ITSN1: variants seen among roughly 807,000 people sequenced by gnomAD.
The protein encoded by ITSN1 is intersectin 1.
Under a neutral mutation model 239.8 loss-of-function variants are expected in ITSN1, and 58 were observed. The observed-to-expected ratio is 0.24, with a 90% confidence interval of 0.20 to 0.30. The LOEUF (loss-of-function observed/expected upper bound fraction) is 0.30, where lower values mean the gene tolerates loss of function less well. Among genes scored for constraint, ITSN1 ranks in the 10% least tolerant of loss-of-function variants. The pLI, the probability that ITSN1 is intolerant of heterozygous loss-of-function variation, is 1.00. For missense variants in ITSN1, 1,558 were observed against 2,103.3 expected (o/e 0.74, Z 5.07); for synonymous variants, 780 against 770.8 (o/e 1.01, Z -0.20).
At chr21:33,771,497 C>T (rs1044909800) in intron 11 of ITSN1, among the ~76,000 whole-genome samples, 2 of 152,106 alleles carry the variant, frequency 1.3e-5, no homozygotes, top group Non-Finnish European at 2.9e-5. Flanking sequence ...AAGGATAGAA[C>T]TGAGTAATCA....
chr21:33,855,691 A>C (rs1979192079), intron 29 of ITSN1, among the ~76,000 whole-genome samples: 3 of 152,244 alleles, frequency 2.0e-5, no homozygotes, highest in African/African-American at 7.2e-5. Context: ...CCCCACTTCC[A>C]GTGCAGGCAC....
intron 16 of ITSN1, among the ~76,000 whole-genome samples, chr21:33,786,325 C>T (rs1235660558): frequency 6.6e-6 from 1 of 152,128 alleles, no homozygotes; most frequent in African/African-American, 2.4e-5. Context: ...TTCTCAGATC[C>T]ACGTTCTAGA....
chr21:33,826,642 T>A (rs1440590228), intron 25 of ITSN1, among the ~76,000 whole-genome samples, 176 bp from the exon 26 acceptor site: 1 of 152,182 alleles, frequency 6.6e-6, no homozygotes, highest in East Asian at 1.9e-4. Context: ...GTTTTAATTA[T>A]TTTTTTCCAT....
intron 15 of ITSN1, 98 bp downstream of exon 15, chr21:33,781,646 T>C: frequency 1.4e-6 from 1 of 707,666 alleles, no homozygotes; most frequent in Non-Finnish European, 2.3e-6. Context: ...AGTGGCGCAA[T>C]CTCGGCCAAC....
intron 1 of ITSN1, among the ~76,000 whole-genome samples, chr21:33,691,039 C>A (rs1240546334): frequency 6.6e-6 from 1 of 151,272 alleles, no homozygotes; most frequent in Non-Finnish European, 1.5e-5. Context: ...AGGCTGGTGG[C>A]CTTTCTTCCA....
intron 1 of ITSN1, among the ~76,000 whole-genome samples, chr21:33,680,690 AATGTCTG>A (rs200746495): frequency 6.9e-5 from 2 of 29,098 alleles, no homozygotes; most frequent in African/African-American, 5.3e-4. Context: ...AAGTCCACCA[AATGTCTG>A]AAGTCCTGCC....
At chr21:33,842,128 C>T (rs1473016878) in intron 29 of ITSN1, among the ~76,000 whole-genome samples, 2 of 152,018 alleles carry the variant, frequency 1.3e-5, no homozygotes, top group Non-Finnish European at 2.9e-5. Flanking sequence ...ATCTCCTGAC[C>T]TTGTGATCCG....
chr21:33,812,802 T>C (rs1223822507), intron 21 of ITSN1, among the ~76,000 whole-genome samples: 2 of 152,146 alleles, frequency 1.3e-5, no homozygotes. Flanking sequence ...CCCAGCCTGT[T>C]TATCTAAAAT....
chr21:33,868,066 C>T (rs773498867), intron 33 of ITSN1, among the ~76,000 whole-genome samples: 14 of 152,296 alleles, frequency 9.2e-5, no homozygotes, highest in African/African-American at 3.1e-4. Context: ...GGAAAGGGAC[C>T]GAGCCGGTTG....
At chr21:33,750,357 T>C (rs1291621406) in intron 6 of ITSN1, 35 bp downstream of exon 6, 5 of 1,578,586 alleles carry the variant, frequency 3.2e-6, no homozygotes, top group Non-Finnish European at 4.3e-6. Flanking sequence ...GCTGAGTTTT[T>C]ACTACTTGTA....
intron 1 of ITSN1, among the ~76,000 whole-genome samples, chr21:33,700,315 C>T (rs1231464481): frequency 3.3e-5 from 5 of 152,140 alleles, no homozygotes; most frequent in Non-Finnish European, 7.3e-5. Context: ...GAACTCCTAA[C>T]CTCAGGTGAT....
rs1038175691 is a variant in ITSN1 at position 33,894,813 on chromosome 21, G to A, written c.*6513G>A. The A allele has an allele frequency of 1.3e-5, 2 of 152,252 alleles. No homozygotes were observed. Among genetic ancestry groups the A allele is most frequent in the Non-Finnish European group, 2.9e-5 (2 of 68,060 alleles). 9.4% of individuals were successfully genotyped at this position (152,252 alleles called of 1,614,324 possible). ...CAGGCAGACAGGAACCAAAGAAAGG[G>A]TGTAGTGGCTTTGCAGCGTTGGGTG... On this transcript the variant is annotated 3_prime_UTR_variant, in exon 40 of 40. Transcript: ENST00000381318.
At chr21:33,692,288 ACGAGGTC>A (rs374077569) in intron 1 of ITSN1, among the ~76,000 whole-genome samples, 19 of 152,336 alleles carry the variant, frequency 1.2e-4, no homozygotes, top group Non-Finnish European at 2.4e-4. Context: ...TAAGCAACTC[ACGAGGTC>A]CGTACCAGTA....
chr21:33,761,322 C>T (rs898004105), intron 8 of ITSN1, among the ~76,000 whole-genome samples: 1 of 152,146 alleles, frequency 6.6e-6, no homozygotes, highest in African/African-American at 2.4e-5. Context: ...CTGCCTCAGC[C>T]TCCCAGAATG....
chr21:33,735,265 C>T, intron 5 of ITSN1, 61 bp downstream of exon 5: 4 of 1,504,614 alleles, frequency 2.7e-6, no homozygotes, highest in Non-Finnish European at 3.7e-6. Context: ...TAAATGTTTT[C>T]CTTTTTTTCC....
intron 1 of ITSN1, among the ~76,000 whole-genome samples, chr21:33,676,118 T>A (rs1227754680): frequency 6.6e-6 from 1 of 151,200 alleles, no homozygotes; most frequent in Non-Finnish European, 1.5e-5. Flanking sequence ...CACTGCAACC[T>A]CTGCCTCCTG....
chr21:33,854,218 G>C (rs1978881922), intron 29 of ITSN1, among the ~76,000 whole-genome samples: 1 of 152,190 alleles, frequency 6.6e-6, no homozygotes, highest in East Asian at 1.9e-4. Flanking sequence ...TCCTTAAAGG[G>C]ACATTCAGAA....
In ITSN1 at chr21:33,735,192, G is replaced by A. The variant is rs201039916; in HGVS notation, c.334G>A (p.Ala112Thr). 97 of 1,612,464 alleles carry A rather than the reference G, an allele frequency of 6.0e-5. No homozygotes were observed. Among genetic ancestry groups the A allele is most frequent in the Non-Finnish European group, 3.8e-5 (45 of 1,179,370 alleles). The change falls in exon 5 of 40, where the codon GCA (alanine) becomes ACA (threonine). Residue 112 changes from alanine (A) to threonine (T), a missense_variant. By Grantham distance (58) the Ala-to-Thr change is moderately conservative. This residue lies in a region of ITSN1 where 982 missense variants were observed against 1,209.9 expected (regional missense o/e 0.81). Transcript: ENST00000381318. ...ACAGCAACCAGTTGCTATTTCTAGC[G>A]CACCAGCATTTGGTAAGTCTGAAAA... ...MKQQPVAISS[A>T]PAFGMGGIAS...
intron 33 of ITSN1, among the ~76,000 whole-genome samples, 153 bp from the exon 34 acceptor site, chr21:33,875,201 C>T (rs1983520956): frequency 6.6e-6 from 1 of 152,186 alleles, no homozygotes; most frequent in Non-Finnish European, 1.5e-5. Context: ...TACGTGATTG[C>T]CATGTGGGTG....
Sources: gnomAD v4.1 joint callset for allele counts (sites outside exome capture counted in the v4.1 genomes callset) on GRCh38, gnomAD v4.1.1 for gene constraint, gnomAD v4.1.1 regional missense constraint, MANE v1.5 for transcripts, NCBI Gene and HGNC (gene_info 2026-07-23, HGNC 2026-07-21) for gene names.